The following RANBP17 variants were observed in gnomAD, a reference collection of about 807,000 sequenced individuals.
The protein encoded by RANBP17 is ran-binding protein 17.
RANBP17 carries 158 observed loss-of-function variants against 141.2 expected under a neutral mutation model. The ratio of observed to expected loss-of-function variants is 1.12; its 90% CI spans 0.98 to 1.28. The LOEUF (loss-of-function observed/expected upper bound fraction) is 1.28. Among genes scored for constraint, RANBP17 ranks in the 50% most tolerant of loss-of-function variants. RANBP17 has a pLI of 0.00. For missense variants in RANBP17, 1,438 were observed against 1,290.7 expected (o/e 1.11, Z -1.75); for synonymous variants, 430 against 450.0 (o/e 0.96, Z 0.56).
intron 12 of RANBP17, among the ~76,000 whole-genome samples, chr5:170,948,176 G>C (rs1774914235): frequency 6.6e-6 from 1 of 152,092 alleles, no homozygotes; most frequent in African/African-American, 2.4e-5. Flanking sequence ...TGGTGTATCG[G>C]ACATAAACAG....
At chr5:171,036,236 T>C (rs190864756) in intron 14 of RANBP17, among the ~76,000 whole-genome samples, 2 of 152,294 alleles carry the variant, frequency 1.3e-5, no homozygotes, top group East Asian at 1.9e-4. Context: ...TTTATGTCCA[T>C]GAGTACTCAA....
intron 14 of RANBP17, among the ~76,000 whole-genome samples, chr5:171,018,378 C>G (rs1363604740): frequency 6.6e-6 from 1 of 152,062 alleles, no homozygotes; most frequent in East Asian, 1.9e-4. Flanking sequence ...ATTGATTCTT[C>G]CTATCCGTGA....
intron 3 of RANBP17, among the ~76,000 whole-genome samples, chr5:170,886,188 C>A (rs1174090503): frequency 6.6e-6 from 1 of 152,146 alleles, no homozygotes; most frequent in Non-Finnish European, 1.5e-5. Context: ...TGTTTAGGGG[C>A]ACATAGACCA....
chr5:171,138,124 T>A (rs1757443751), intron 14 of RANBP17, among the ~76,000 whole-genome samples: 1 of 152,206 alleles, frequency 6.6e-6, no homozygotes, highest in African/African-American at 2.4e-5. Flanking sequence ...TAGACCCAAA[T>A]TCTAGGATTA....
rs188752050 is a variant in RANBP17, at chr5:171,289,155, C to T, written c.2944-4728C>T. The stretch of plus-strand genomic sequence containing the variant: ...TCTCTGATGTGTGCCAGTGCCTAAC[C>T]CTAGGCCCTGGGGATACAGTACCAC... On this transcript the variant is annotated intron_variant, in intron 25 of 27. Coordinates refer to ENST00000523189, the MANE Select transcript of RANBP17 (RefSeq NM_022897.5). Among the ~76,000 whole-genome samples, 179 of 152,256 alleles carry T rather than the reference C, an allele frequency of 1.2e-3. 5 individuals carry two copies. In the East Asian group the frequency reaches 0.029, roughly 25 times the overall value.
intron 14 of RANBP17, among the ~76,000 whole-genome samples, chr5:171,114,341 G>T (rs1206569687): frequency 6.6e-6 from 1 of 152,048 alleles, no homozygotes; most frequent in Non-Finnish European, 1.5e-5. Context: ...CTTACAAGTT[G>T]TCAGAATTGT....
chr5:171,135,831 T>G (rs1250850691), intron 14 of RANBP17, among the ~76,000 whole-genome samples: 19 of 152,194 alleles, frequency 1.2e-4, no homozygotes, highest in Admixed American at 1.2e-3. Context: ...GCTTCTGGGC[T>G]CTCTTTCTGT....
intron 12 of RANBP17, among the ~76,000 whole-genome samples, chr5:170,946,568 C>T (rs140456939): frequency 4.9e-4 from 75 of 152,164 alleles, no homozygotes; most frequent in African/African-American, 1.7e-3. Flanking sequence ...TAGCAAATAC[C>T]GAACCATTGC....
At chr5:170,926,394 T>C (rs2127449216) in intron 12 of RANBP17, among the ~76,000 whole-genome samples, 1 of 152,342 alleles carries the variant, frequency 6.6e-6, no homozygotes, top group East Asian at 1.9e-4. Context: ...CTTTTCACTC[T>C]GCTGATTAAT....
intron 18 of RANBP17, among the ~76,000 whole-genome samples, chr5:171,188,919 TTAATG>T (rs1267523287): frequency 6.6e-6 from 1 of 152,224 alleles, no homozygotes; most frequent in Admixed American, 6.5e-5. Flanking sequence ...TTAGTATTGC[TTAATG>T]TAAACTATGA....
intron 14 of RANBP17, among the ~76,000 whole-genome samples, chr5:171,054,385 AG>A (rs1783202151): frequency 6.6e-6 from 1 of 152,148 alleles, no homozygotes; most frequent in Admixed American, 6.5e-5. Context: ...TTTCTGGAAA[AG>A]GGGTGGGCAG....
At chr5:171,050,936 A>G (rs1782914102) in intron 14 of RANBP17, among the ~76,000 whole-genome samples, 1 of 152,170 alleles carries the variant, frequency 6.6e-6, no homozygotes, top group South Asian at 2.1e-4. Context: ...TTAGAATTAG[A>G]GAATGTAATT....
intron 14 of RANBP17, chr5:170,968,694 T>C (rs987483118): frequency 1.7e-5 from 8 of 467,206 alleles, no homozygotes; most frequent in African/African-American, 1.6e-4. Context: ...ATTTGCTTTT[T>C]TAGTAGTTCC....
chr5:170,989,063 C>T (rs1446222470), intron 14 of RANBP17, among the ~76,000 whole-genome samples: 1 of 151,734 alleles, frequency 6.6e-6, no homozygotes, highest in Non-Finnish European at 1.5e-5. Flanking sequence ...ATAGGCAAAC[C>T]CTCTACTAAG....
At chr5:171,286,475 C>T (rs1768178891) in intron 25 of RANBP17, among the ~76,000 whole-genome samples, 1 of 151,832 alleles carries the variant, frequency 6.6e-6, no homozygotes, top group Admixed American at 6.6e-5. Context: ...ACACTATAAG[C>T]AGTTAGTAAT....
At chr5:171,218,664 G>A (rs535042336) in intron 21 of RANBP17, among the ~76,000 whole-genome samples, 60 of 151,442 alleles carry the variant, frequency 4.0e-4, no homozygotes, top group African/African-American at 1.4e-3. Flanking sequence ...AACGCCCTTC[G>A]TTGTCTTTTT....
chr5:171,221,900 A>G, intron 22 of RANBP17, 60 bp downstream of exon 22: 1 of 1,012,072 alleles, frequency 9.9e-7, no homozygotes, highest in Non-Finnish European at 1.5e-6. Flanking sequence ...AGAGGAAAGA[A>G]AGATGTTAGT....
At chr5:171,102,786 G>A (rs527291644) in intron 14 of RANBP17, among the ~76,000 whole-genome samples, 9 of 151,780 alleles carry the variant, frequency 5.9e-5, no homozygotes, top group Admixed American at 2.0e-4. Context: ...TTTTTGCTTC[G>A]TTGTCCTTTT....
At chr5:171,184,045 C>T (rs76418812) in intron 18 of RANBP17, among the ~76,000 whole-genome samples, 1,589 of 152,206 alleles carry the variant, frequency 0.01, 24 homozygotes, top group African/African-American at 0.037. Context: ...ATGGTTAGTA[C>T]AGCCATTGTG....
Sources: allele counts gnomAD v4.1 joint callset (sites outside exome capture counted in the v4.1 genomes callset), GRCh38; gene constraint gnomAD v4.1.1; transcripts MANE v1.5; gene names NCBI Gene and HGNC (gene_info 2026-07-23, HGNC 2026-07-21).